Variants in LRRC7 observed in about 807,000 individuals in gnomAD.
The protein encoded by LRRC7 is leucine rich repeat containing 7, also known as leucine-rich repeat-containing protein 7.
LRRC7 carries 23 observed loss-of-function variants against 175.7 expected under a neutral mutation model. That is an observed-to-expected ratio of 0.13 (90% CI 0.09 to 0.19). LRRC7 has a LOEUF of 0.19. Among genes scored for constraint, LRRC7 ranks in the 10% least tolerant of loss-of-function variants. The probability of loss-of-function intolerance (pLI) is 1.00; values close to 1 mark genes in which losing one functional copy is unlikely to be tolerated. For synonymous variants in LRRC7, 685 were observed against 680.9 expected, an observed-to-expected ratio of 1.01 and a Z score of -0.09; for missense variants, 1,354 against 1,904.7, an observed-to-expected ratio of 0.71 and a Z score of 5.38.
At chr1:69,916,676 G>T (rs1646727750) in intron 7 of LRRC7, among the ~76,000 whole-genome samples, 1 of 152,002 alleles carries the variant, frequency 6.6e-6, no homozygotes, top group Non-Finnish European at 1.5e-5. Context: ...TAGAATTCCA[G>T]CTTCTTACTG....
chr1:69,710,278 C>CAAAAAAAA (rs77553066), intron 2 of LRRC7, among the ~76,000 whole-genome samples: 4 of 87,170 alleles, frequency 4.6e-5, no homozygotes, highest in East Asian at 3.6e-4. Flanking sequence ...GACTCCGTCT[C>CAAAAAAAA]AAAAAAAAAA....
At chr1:69,885,996 C>T (rs61782585) in intron 7 of LRRC7, among the ~76,000 whole-genome samples, 2 of 142,376 alleles carry the variant, frequency 1.4e-5, no homozygotes, top group East Asian at 2.1e-4. Context: ...TTGTTATAAT[C>T]TCTGTTCTTT....
intron 7 of LRRC7, among the ~76,000 whole-genome samples, chr1:69,922,193 T>C (rs577375604): frequency 1.8e-4 from 28 of 152,318 alleles, no homozygotes; most frequent in African/African-American, 6.3e-4. Flanking sequence ...CCCAAAGTGC[T>C]GGGATTACAG....
At chr1:69,919,921 TCA>T in intron 7 of LRRC7, 2 of 662,606 alleles carry the variant, frequency 3.0e-6, no homozygotes, top group Non-Finnish European at 5.5e-6. Flanking sequence ...CCTGCCACTG[TCA>T]CACAGTATTT....
rs1172672797 is a variant in LRRC7 at position 70,036,141 on chromosome 1, T to C, written c.2016T>C (p.Ala672=). Residue 672 remains alanine (A), a synonymous_variant, in exon 19 of 27, where the codon GCT becomes GCC. Coordinates refer to ENST00000651989, the MANE Select transcript of LRRC7 (RefSeq NM_001370785.2). ...CTCAGGATTCTTTTGTTCATCCAGCTAATGAAATGAGGATTGGGGAACTTC... is the reference window on the plus strand; with the variant it reads ...CTCAGGATTCTTTTGTTCATCCAGCCAATGAAATGAGGATTGGGGAACTTC... ...ITVEDSFVHP[A]NEMRIGELHP... 1 of 1,612,056 alleles carries C rather than the reference T, an allele frequency of 6.2e-7. No individual in the cohort carries two copies.
At chr1:69,710,961 C>T (rs545130812) in intron 2 of LRRC7, among the ~76,000 whole-genome samples, 22 of 152,218 alleles carry the variant, frequency 1.4e-4, no homozygotes, top group African/African-American at 4.3e-4. Context: ...CTTTTAAATT[C>T]AAGTGACTCC....
rs532464926 is a variant in LRRC7, at chr1:69,960,087, A to G, written c.712-20292A>G. The stretch of plus-strand genomic sequence containing the variant: ...GCCAGCTCTTCTTTGTACATGTGGT[A>G]GAATTCAGCTGTGAATCCGTCTGGT... On this transcript the variant is annotated intron_variant, in intron 8 of 26. Transcript: ENST00000651989. 3.9e-5 allele frequency among the ~76,000 whole-genome samples: 6 copies of G among 152,252 alleles called. No individual in the cohort carries two copies. In the East Asian group the frequency reaches 1.2e-3, roughly 29 times the overall value.
At chr1:69,611,717 A>G (rs930241530) in intron 1 of LRRC7, among the ~76,000 whole-genome samples, 1 of 152,208 alleles carries the variant, frequency 6.6e-6, no homozygotes, top group African/African-American at 2.4e-5. Flanking sequence ...AACACTAGAC[A>G]GTACTTCAGC....
chr1:69,681,897 C>T (rs1660536010), intron 2 of LRRC7, among the ~76,000 whole-genome samples: 1 of 152,142 alleles, frequency 6.6e-6, no homozygotes, highest in Non-Finnish European at 1.5e-5. Flanking sequence ...CAAATTAGCA[C>T]AGACTTGTGT....
chr1:70,061,628 ATTTCT>A (rs2102085832), intron 23 of LRRC7, among the ~76,000 whole-genome samples: 1 of 152,338 alleles, frequency 6.6e-6, no homozygotes, highest in South Asian at 2.1e-4. Context: ...CTGGAGAGAC[ATTTCT>A]TAAACAGAAA....
At chr1:69,587,095 T>G (rs1646432744) in intron 1 of LRRC7, among the ~76,000 whole-genome samples, 1 of 152,202 alleles carries the variant, frequency 6.6e-6, no homozygotes, top group South Asian at 2.1e-4. Flanking sequence ...ATGCAAGTAG[T>G]AAAATGTGGT....
intron 15 of LRRC7, among the ~76,000 whole-genome samples, chr1:70,019,633 A>G (rs1657274284): frequency 6.6e-6 from 1 of 152,004 alleles, no homozygotes; most frequent in Non-Finnish European, 1.5e-5. Flanking sequence ...GATAATTATA[A>G]TAAATGACTT....
At chr1:69,832,892 G>C (rs1288375900) in intron 5 of LRRC7, among the ~76,000 whole-genome samples, 1 of 152,078 alleles carries the variant, frequency 6.6e-6, no homozygotes. Context: ...ATCACCTGAG[G>C]TCAGGAGTTT....
intron 8 of LRRC7, among the ~76,000 whole-genome samples, chr1:69,959,534 G>C (rs1650833485): frequency 6.6e-6 from 1 of 152,014 alleles, no homozygotes; most frequent in Non-Finnish European, 1.5e-5. Flanking sequence ...TGTTATCTTT[G>C]GAATAAGTTA....
Position 69,858,002 on chromosome 1 carries a change from A to C in LRRC7, c.647+19719A>C, listed in dbSNP as rs561800615. On this transcript the variant is annotated intron_variant, in intron 7 of 26. Coordinates refer to ENST00000651989, the MANE Select transcript of LRRC7 (RefSeq NM_001370785.2). ...CTTTGACAAACCTGAGAAAAACAAG[A>C]AATGGGGAAAGGATTCCCTATTTAA... Among the ~76,000 whole-genome samples, 303 of 152,216 alleles carry C rather than the reference A, an allele frequency of 2.0e-3. 2 individuals are homozygous for C. The highest frequency in any genetic ancestry group is 9.1e-3 in the South Asian group (44 of 4,812).
chr1:69,984,735 T>C (rs1025880190), intron 9 of LRRC7, among the ~76,000 whole-genome samples: 4 of 152,178 alleles, frequency 2.6e-5, no homozygotes, highest in Admixed American at 2.0e-4. Flanking sequence ...TACTTCTATA[T>C]CCCTCTAACA....
At chr1:69,999,848 G>C (rs1655360085) in intron 11 of LRRC7, among the ~76,000 whole-genome samples, 1 of 152,120 alleles carries the variant, frequency 6.6e-6, no homozygotes, top group African/African-American at 2.4e-5. Flanking sequence ...TTGAGAAATA[G>C]AGTATCTAAA....
At chr1:69,872,499 G>A (rs1056400398) in intron 7 of LRRC7, among the ~76,000 whole-genome samples, 3 of 151,922 alleles carry the variant, frequency 2.0e-5, no homozygotes, top group Non-Finnish European at 4.4e-5. Context: ...AATTAAAAAG[G>A]TGGTTACTTA....
intron 4 of LRRC7, among the ~76,000 whole-genome samples, chr1:69,811,619 C>T (rs780979378): frequency 1.3e-5 from 2 of 151,960 alleles, no homozygotes; most frequent in East Asian, 1.9e-4. Flanking sequence ...TGTCCTTTGC[C>T]GGGACCTGGA....
Sources: gnomAD v4.1 joint callset for allele counts (sites outside exome capture counted in the v4.1 genomes callset) on GRCh38, gnomAD v4.1.1 for gene constraint, MANE v1.5 for transcripts, NCBI Gene and HGNC (gene_info 2026-07-23, HGNC 2026-07-21) for gene names.